OR10J1: variants seen among roughly 807,000 people sequenced by gnomAD.
OR10J1 encodes the protein olfactory receptor 10J1.
For synonymous variants in OR10J1, 202 were observed against 143.8 expected, an observed-to-expected ratio of 1.40 and a Z score of -2.89; for missense variants, 474 against 376.6, an observed-to-expected ratio of 1.26 and a Z score of -2.14.
the OR10J1 span, chr1:159,406,239 A>G: frequency 5.7e-5 from 30 of 529,836 alleles, 1 homozygote; most frequent in East Asian, 1.6e-3. Context: ...CAATAATCAC[A>G]TTGCCAGAGA....
chr1:159,440,480 T>C lies in OR10J1; in HGVS notation c.689T>C (p.Val230Ala), dbSNP rs1655907882. 6.2e-7 allele frequency: 1 copy of C among 1,614,032 alleles called. No individual in the cohort carries two copies. The highest frequency in any genetic ancestry group is 8.5e-7 in the Non-Finnish European group (1 of 1,180,038). ...TCTACAATCCTCAAGATTGCTTCAGTTGAGGGCCGGAAGAAGGCTTTTGCC... is the reference window on the plus strand; with the variant it reads ...TCTACAATCCTCAAGATTGCTTCAGCTGAGGGCCGGAAGAAGGCTTTTGCC... Reference protein sequence around the residue: ...IISTILKIASVEGRKKAFATC... With the variant: ...IISTILKIASAEGRKKAFATC... The change falls in exon 1 of 1, where the codon GTT becomes GCT. Residue 230 changes from valine to alanine, a missense_variant. Coordinates refer to ENST00000423932, the MANE Select transcript of OR10J1 (RefSeq NM_012351.3).
chr1:159,438,037 A>C (rs1435178243), upstream of OR10J1: 4 of 152,318 alleles, frequency 2.6e-5, no homozygotes, highest in African/African-American at 9.6e-5. Context: ...AGTGCTAAGC[A>C]GAGTCATGTG....
chr1:159,413,884 A>G, the OR10J1 span, among the ~76,000 whole-genome samples: 3 of 151,254 alleles, frequency 2.0e-5, no homozygotes, highest in Non-Finnish European at 4.4e-5. Flanking sequence ...AAATAAAAAA[A>G]TATATTGCTT....
rs1329817464 is a variant in OR10J1 at position 159,440,605 on chromosome 1, C to A, written c.814C>A (p.Leu272Met). Reference sequence around the variant, plus strand: ...AGAGAACACCAGAGAACATGACCAGCTGATCTCGGTGACCTACACTGTCAT... The same window carrying A: ...AGAGAACACCAGAGAACATGACCAGATGATCTCGGTGACCTACACTGTCAT... ...KSENTREHDQ[L>M]ISVTYTVITP... is the part of the protein sequence containing the mutation. The change falls in exon 1 of 1, where the codon CTG (leucine) becomes ATG (methionine). Residue 272 changes from leucine (L) to methionine (M), a missense_variant. Leu to Met is a conservative substitution (Grantham distance 15, BLOSUM62 2). Transcript: ENST00000423932. The A allele has an allele frequency of 6.2e-7, 1 of 1,613,868 alleles. No individual in the cohort carries two copies. The highest frequency in any genetic ancestry group is 1.7e-5 in the Admixed American group (1 of 60,012).
chr1:159,416,579 A>C, the OR10J1 span, among the ~76,000 whole-genome samples: 1 of 151,670 alleles, frequency 6.6e-6, no homozygotes, highest in African/African-American at 2.4e-5. Context: ...TTTTAGTATT[A>C]GGGTAATGCT....
At chr1:159,432,169 C>T in the OR10J1 span, 1 of 400,490 alleles carries the variant, frequency 2.5e-6, no homozygotes, top group East Asian at 3.6e-5. Flanking sequence ...GCTCAACATT[C>T]CCACTTCATC....
Position 159,439,822 on chromosome 1 carries a change from G to A in OR10J1, c.31G>A (p.Asp11Asn), listed in dbSNP as rs62641745. Residue 11 changes from aspartate (D) to asparagine (N), a missense_variant, in exon 1 of 1, where the codon GAC becomes AAC. Coordinates refer to ENST00000423932, the MANE Select transcript of OR10J1 (RefSeq NM_012351.3). ...AAGAGAGAACTTTACTCTCATCACT[G>A]ACTTTGTTTTCCAAGGTTTCTCTAG... MKRENFTLIT[D>N]FVFQGFSSFH... 150 of 1,614,120 alleles carry A rather than the reference G, an allele frequency of 9.3e-5. No individual in the cohort carries two copies. The African/African-American group carries it at 1.8e-3, about 19-fold the overall frequency.
the OR10J1 span, among the ~76,000 whole-genome samples, chr1:159,424,093 G>A: frequency 2.6e-5 from 4 of 151,802 alleles, no homozygotes; most frequent in East Asian, 3.9e-4. Context: ...GCAGGTGCCC[G>A]TAATCCCAGC....
chr1:159,424,095 A>C, the OR10J1 span, among the ~76,000 whole-genome samples: 1 of 152,070 alleles, frequency 6.6e-6, no homozygotes. Flanking sequence ...AGGTGCCCGT[A>C]ATCCCAGCTA....
chr1:159,425,670 T>A, the OR10J1 span, among the ~76,000 whole-genome samples: 1 of 152,072 alleles, frequency 6.6e-6, no homozygotes, highest in Non-Finnish European at 1.5e-5. Context: ...GTTCATATCA[T>A]AATAATGTAT....
the OR10J1 span, among the ~76,000 whole-genome samples, chr1:159,402,856 A>G: frequency 2.0e-5 from 3 of 152,180 alleles, no homozygotes; most frequent in Non-Finnish European, 4.4e-5. Flanking sequence ...CCTGACTTCA[A>G]ATTATACCAC....
At chr1:159,416,887 C>A in the OR10J1 span, among the ~76,000 whole-genome samples, 1 of 151,926 alleles carries the variant, frequency 6.6e-6, no homozygotes, top group South Asian at 2.1e-4. Context: ...ATAATAGTCT[C>A]CAATAATCTT....
the OR10J1 span, among the ~76,000 whole-genome samples, chr1:159,418,031 G>A: frequency 3.8e-4 from 58 of 152,262 alleles, no homozygotes; most frequent in East Asian, 3.5e-3. Context: ...AGGGTATCTC[G>A]TGGAAGAAAT....
chr1:159,440,459 C>T lies in OR10J1; in HGVS notation c.668C>T (p.Thr223Ile), dbSNP rs747714019. ...ATTTCTTATGTTCTCATTATCTCTACAATCCTCAAGATTGCTTCAGTTGAG... is the reference window on the plus strand; with the variant it reads ...ATTTCTTATGTTCTCATTATCTCTATAATCCTCAAGATTGCTTCAGTTGAG... ...VFISYVLIIS[T>I]ILKIASVEGR... The change falls in exon 1 of 1, where the codon ACA becomes ATA. Residue 223 changes from threonine (T) to isoleucine (I), a missense_variant. By Grantham distance (89) the Thr-to-Ile change is moderately conservative. Coordinates refer to ENST00000423932, the MANE Select transcript of OR10J1 (RefSeq NM_012351.3). 11 of 1,614,160 alleles carry T rather than the reference C, an allele frequency of 6.8e-6. No individual in the cohort carries two copies. In the South Asian group the frequency reaches 1.1e-4, roughly 16 times the overall value.
the OR10J1 span, among the ~76,000 whole-genome samples, chr1:159,398,053 A>G: frequency 6.6e-6 from 1 of 152,224 alleles, no homozygotes; most frequent in African/African-American, 2.4e-5. Flanking sequence ...GAAAAGAGAA[A>G]GAGACTCTGT....
chr1:159,425,349 T>A, the OR10J1 span, among the ~76,000 whole-genome samples: 1 of 152,008 alleles, frequency 6.6e-6, no homozygotes, highest in Non-Finnish European at 1.5e-5. Flanking sequence ...TAAAGAACAA[T>A]CAAATTCAGA....
chr1:159,429,802 C>T, the OR10J1 span, among the ~76,000 whole-genome samples: 1 of 152,120 alleles, frequency 6.6e-6, no homozygotes, highest in African/African-American at 2.4e-5. Context: ...ATGTTTGTTA[C>T]TCCCAGATCT....
the OR10J1 span, among the ~76,000 whole-genome samples, chr1:159,413,206 T>C: frequency 6.6e-6 from 1 of 152,106 alleles, no homozygotes; most frequent in African/African-American, 2.4e-5. Flanking sequence ...CTGGAGAGGA[T>C]ATGGAGAAAT....
chr1:159,431,697 A>G, the OR10J1 span, among the ~76,000 whole-genome samples: 38 of 152,326 alleles, frequency 2.5e-4, no homozygotes, highest in Non-Finnish European at 4.4e-4. Flanking sequence ...AAGTACCTAT[A>G]CAACCGTTTG....
Sources: allele counts gnomAD v4.1 joint callset (sites outside exome capture counted in the v4.1 genomes callset), GRCh38; gene constraint gnomAD v4.1.1; transcripts MANE v1.5; gene names NCBI Gene and HGNC (gene_info 2026-07-23, HGNC 2026-07-21).